PRKCA: variants seen among roughly 807,000 people sequenced by gnomAD.
PRKCA encodes the protein protein kinase C alpha.
Under a neutral mutation model 87.0 loss-of-function variants are expected in PRKCA, and 27 were observed. That is an observed-to-expected ratio of 0.31 (90% CI 0.23 to 0.43). The LOEUF is 0.43. PRKCA is among the 20% of genes least tolerant of loss of function. The pLI is 1.00. For missense variants in PRKCA, 518 were observed against 852.3 expected (o/e 0.61, Z 4.88); for synonymous variants, 329 against 311.1 (o/e 1.06, Z -0.61).
intron 2 of PRKCA, among the ~76,000 whole-genome samples, chr17:66,466,343 GGAAGAGTTT>G (rs1297546588): frequency 6.6e-6 from 1 of 152,170 alleles, no homozygotes; most frequent in Non-Finnish European, 1.5e-5. Context: ...TGTCCCAGCT[GGAAGAGTTT>G]GAAGCCAGAC....
chr17:66,424,050 C>T (rs1912643701), intron 2 of PRKCA, among the ~76,000 whole-genome samples: 1 of 152,162 alleles, frequency 6.6e-6, no homozygotes, highest in Non-Finnish European at 1.5e-5. Flanking sequence ...GCTGTGAACT[C>T]CTAGGGGGAG....
Position 66,731,750 on chromosome 17 carries a change from G to T in PRKCA, c.919-938G>T, listed in dbSNP as rs545387041. Among the ~76,000 whole-genome samples the T allele has an allele frequency of 2.3e-3, 351 of 149,946 alleles. 2 individuals carry two copies. The highest frequency in any genetic ancestry group is 2.5e-3 in the Non-Finnish European group (172 of 67,774). On this transcript the variant is annotated intron_variant, in intron 8 of 16. Coordinates refer to ENST00000413366, the MANE Select transcript of PRKCA (RefSeq NM_002737.3). ...GGCAGTGACCAGATATTCTTCAGGC[G>T]CAAAGGGCGCCTTGTGCTCCCTTTC...
rs545481173 is a variant in PRKCA at position 66,803,129 on chromosome 17, T to C, written c.1855-744T>C. Reference sequence around the variant, plus strand: ...CAACAGTTCTGCCTGGAGTGGACCCTGGAGGAGAGGAACAGCCGAGACAGC... The same window carrying C: ...CAACAGTTCTGCCTGGAGTGGACCCCGGAGGAGAGGAACAGCCGAGACAGC... On this transcript the variant is annotated intron_variant, in intron 16 of 16. Transcript: ENST00000413366. The surrounding 1 kb of genome is among the most constrained non-coding windows in gnomAD (Gnocchi z 4.4). 7.2e-5 allele frequency among the ~76,000 whole-genome samples: 11 copies of C among 152,252 alleles called. No homozygotes were observed. In the East Asian group the frequency reaches 2.1e-3, roughly 29 times the overall value.
chr17:66,489,932 C>T (rs1916162069), intron 2 of PRKCA, among the ~76,000 whole-genome samples: 1 of 151,972 alleles, frequency 6.6e-6, no homozygotes, highest in African/African-American at 2.4e-5. Flanking sequence ...AGGCATGCAA[C>T]ACCACACCCA....
intron 3 of PRKCA, among the ~76,000 whole-genome samples, chr17:66,567,982 G>A (rs75753470): frequency 1.2e-4 from 18 of 152,254 alleles, no homozygotes; most frequent in East Asian, 1.9e-4. Flanking sequence ...AGCACTAAGT[G>A]TAAAGGAAAA....
intron 2 of PRKCA, among the ~76,000 whole-genome samples, chr17:66,480,013 AC>A (rs907045731): frequency 4.6e-4 from 63 of 137,166 alleles, no homozygotes; most frequent in South Asian, 2.6e-3. Flanking sequence ...AAAAAAAAAA[AC>A]ATTTTGGTTT....
chr17:66,370,549 C>CTTT (rs555797425), intron 2 of PRKCA, among the ~76,000 whole-genome samples: 24 of 113,668 alleles, frequency 2.1e-4, no homozygotes, highest in African/African-American at 3.5e-4. Context: ...CTTTTCTTTT[C>CTTT]TTTTTTTTTT....
intron 2 of PRKCA, among the ~76,000 whole-genome samples, chr17:66,444,651 GA>G (rs1405006657): frequency 6.6e-6 from 1 of 152,130 alleles, no homozygotes; most frequent in Non-Finnish European, 1.5e-5. Context: ...GCTTATCTTT[GA>G]GGCTGAGGTT....
At chr17:66,527,589 G>A (rs980728576) in intron 3 of PRKCA, among the ~76,000 whole-genome samples, 13 of 152,206 alleles carry the variant, frequency 8.5e-5, no homozygotes, top group South Asian at 2.1e-4. Context: ...GAGAAATGCC[G>A]CAGACCTTTG....
At chr17:66,703,851 A>G (rs905731617) in intron 8 of PRKCA, 3 of 152,170 alleles carry the variant, frequency 2.0e-5, no homozygotes, top group Non-Finnish European at 4.4e-5. Context: ...AATATAGTAT[A>G]GTGAATACAT....
intron 2 of PRKCA, among the ~76,000 whole-genome samples, chr17:66,371,888 G>A (rs1909130175): frequency 6.6e-6 from 1 of 152,166 alleles, no homozygotes; most frequent in Admixed American, 6.5e-5. Flanking sequence ...TTGATGCCTG[G>A]CGTATTATAG....
At chr17:66,354,252 T>G (rs1277282840) in intron 2 of PRKCA, among the ~76,000 whole-genome samples, 1 of 152,132 alleles carries the variant, frequency 6.6e-6, no homozygotes, top group East Asian at 1.9e-4. Context: ...GACTCAAACT[T>G]AAGAAAGAAT....
chr17:66,592,343 C>CAAAAAAACAA (rs1969833636), intron 3 of PRKCA, among the ~76,000 whole-genome samples: 1 of 82,384 alleles, frequency 1.2e-5, no homozygotes, highest in Non-Finnish European at 2.2e-5. Flanking sequence ...TGATCCGTCT[C>CAAAAAAACAA]AAAAAAAAAA....
At chr17:66,481,025 A>G (rs952688206) in intron 2 of PRKCA, among the ~76,000 whole-genome samples, 1 of 151,670 alleles carries the variant, frequency 6.6e-6, no homozygotes, top group Non-Finnish European at 1.5e-5. Flanking sequence ...ACGCTGCCAG[A>G]TGGCTGCCTG....
In PRKCA at chr17:66,422,313, A is replaced by C. The variant is rs567155410; in HGVS notation, c.206-73888A>C. Among the ~76,000 whole-genome samples the C allele has an allele frequency of 2.2e-3, 337 of 152,268 alleles. 1 individual carries two copies. Among genetic ancestry groups the C allele is most frequent in the African/African-American group, 7.7e-3 (318 of 41,548 alleles). ...CACCCACTTCACTTTTTCGTAGTAC[A>C]TTGGCAGTTCTGTTTCAAGAGCTCA... is the stretch of plus-strand genomic sequence containing the variant. On this transcript the variant is annotated intron_variant, in intron 2 of 16. Coordinates refer to ENST00000413366, the MANE Select transcript of PRKCA (RefSeq NM_002737.3).
chr17:66,305,182 T>A (rs1160157216), intron 1 of PRKCA, among the ~76,000 whole-genome samples: 1 of 152,224 alleles, frequency 6.6e-6, no homozygotes. Context: ...GCTTTCATTA[T>A]TGCTTCTACG....
intron 3 of PRKCA, among the ~76,000 whole-genome samples, chr17:66,505,937 T>G (rs971175334): frequency 2.6e-5 from 4 of 152,214 alleles, no homozygotes; most frequent in Non-Finnish European, 5.9e-5. Context: ...TAAGTGATCC[T>G]CCTGCGTAGC....
At position 66,396,059 on chromosome 17, in the gene PRKCA, T is replaced by TTG. The variant is rs1910646332; in HGVS notation, c.205+89933_205+89934insGT. Among the ~76,000 whole-genome samples the TTG allele has an allele frequency of 4.6e-5, 7 of 151,738 alleles. No homozygotes were observed. The South Asian group carries it at 1.0e-3, about 23-fold the overall frequency. On this transcript the variant is annotated intron_variant, in intron 2 of 16. Transcript: ENST00000413366. ...TTATTTCAATATGGGTTTAACTGTT[T>TTG]TTTTTTTTTAATTGAATATTGTAAC...
At chr17:66,634,125 T>C (rs1024863303) in intron 3 of PRKCA, among the ~76,000 whole-genome samples, 10 of 152,226 alleles carry the variant, frequency 6.6e-5, no homozygotes, top group African/African-American at 2.4e-4. Context: ...GGAAGACTAA[T>C]TAAGTTGCTA....
Sources: allele counts gnomAD v4.1 joint callset (sites outside exome capture counted in the v4.1 genomes callset), GRCh38; gene constraint gnomAD v4.1.1; non-coding constraint Gnocchi (gnomAD v3.1); transcripts MANE v1.5; gene names NCBI Gene and HGNC (gene_info 2026-07-23, HGNC 2026-07-21).